Variants in SHQ1 observed in about 807,000 individuals in gnomAD.
SHQ1 encodes SHQ1, H/ACA ribonucleoprotein assembly factor, also known as protein SHQ1 homolog.
In SHQ1, 49 loss-of-function variants were observed where a neutral mutation model predicts 53.8. That is an observed-to-expected ratio of 0.91 (90% CI 0.72 to 1.16). The LOEUF (loss-of-function observed/expected upper bound fraction) is 1.16. SHQ1 is among the 50% of genes most tolerant of loss of function. The pLI is 0.00. For missense variants in SHQ1, 738 were observed against 683.1 expected (o/e 1.08, Z -0.90); for synonymous variants, 243 against 251.0 (o/e 0.97, Z 0.30).
intron 10 of SHQ1, among the ~76,000 whole-genome samples, chr3:72,756,874 T>C (rs950364461): frequency 4.6e-5 from 7 of 152,232 alleles, no homozygotes; most frequent in African/African-American, 1.2e-4. Context: ...GAAAGAGTAA[T>C]TGCAACAGCA....
At chr3:72,798,846 A>G (rs1192171170) in intron 9 of SHQ1, among the ~76,000 whole-genome samples, 2 of 152,236 alleles carry the variant, frequency 1.3e-5, no homozygotes, top group African/African-American at 4.8e-5. Context: ...TGCTAATTCT[A>G]TACAATAAGA....
At chr3:72,836,693 T>C (rs1708010069) in intron 4 of SHQ1, among the ~76,000 whole-genome samples, 1 of 151,834 alleles carries the variant, frequency 6.6e-6, no homozygotes, top group African/African-American at 2.4e-5. Context: ...AGAAACAAAC[T>C]AAAAGCAAAG....
At chr3:72,730,403 T>G in the SHQ1 span, among the ~76,000 whole-genome samples, 10 of 152,218 alleles carry the variant, frequency 6.6e-5, no homozygotes, top group African/African-American at 9.7e-5. Flanking sequence ...CATAAGCCAC[T>G]GTGCCAGGTT....
intron 10 of SHQ1, chr3:72,772,514 T>C (rs1705876771): frequency 3.3e-6 from 2 of 607,494 alleles, no homozygotes; most frequent in African/African-American, 1.8e-5. Context: ...CAGACAGTGA[T>C]ATGACAAGTC....
chr3:72,778,824 A>C (rs1296276852), intron 10 of SHQ1, among the ~76,000 whole-genome samples: 1 of 152,168 alleles, frequency 6.6e-6, no homozygotes, highest in African/African-American at 2.4e-5. Context: ...CCTCTAACAA[A>C]AGCCAAAACC....
At chr3:72,774,081 A>G (rs1705907682) in intron 10 of SHQ1, among the ~76,000 whole-genome samples, 1 of 152,236 alleles carries the variant, frequency 6.6e-6, no homozygotes, top group African/African-American at 2.4e-5. Flanking sequence ...ACTATCAGAC[A>G]AAATAGATGG....
At chr3:72,751,476 A>ATGTGTGTGTGTGTGTGTGTG (rs372032784) in intron 10 of SHQ1, among the ~76,000 whole-genome samples, 2 of 109,642 alleles carry the variant, frequency 1.8e-5, no homozygotes, top group Admixed American at 8.9e-5. Flanking sequence ...ATAAGCACAT[A>ATGTGTGTGTGTGTGTGTGTG]TGTGTGTGTG....
chr3:72,767,618 G>A (rs1165682169), intron 10 of SHQ1, among the ~76,000 whole-genome samples: 1 of 152,060 alleles, frequency 6.6e-6, no homozygotes. Context: ...AAAATCCTAC[G>A]TTCACTCTGT....
chr3:72,737,097 C>T, the SHQ1 span, among the ~76,000 whole-genome samples: 1 of 151,794 alleles, frequency 6.6e-6, no homozygotes, highest in African/African-American at 2.4e-5. Context: ...TAATGAAACC[C>T]CATCTCTACT....
At chr3:72,811,848 C>T (rs1470390011) in intron 9 of SHQ1, among the ~76,000 whole-genome samples, 1 of 152,114 alleles carries the variant, frequency 6.6e-6, no homozygotes, top group Non-Finnish European at 1.5e-5. Flanking sequence ...AAACCAAGCT[C>T]CCAGAAACAC....
At chr3:72,769,265 A>G (rs1039951478) in intron 10 of SHQ1, among the ~76,000 whole-genome samples, 12 of 152,200 alleles carry the variant, frequency 7.9e-5, no homozygotes, top group African/African-American at 2.9e-4. Context: ...CCGTTATTTC[A>G]AGAGCAGCTA....
intron 9 of SHQ1, among the ~76,000 whole-genome samples, chr3:72,799,556 A>G (rs1238215154): frequency 2.0e-5 from 3 of 152,192 alleles, no homozygotes. Context: ...ACAAACACGC[A>G]CATTAAATTT....
At chr3:72,805,123 A>G (rs1706899322) in intron 9 of SHQ1, among the ~76,000 whole-genome samples, 1 of 152,244 alleles carries the variant, frequency 6.6e-6, no homozygotes, top group Non-Finnish European at 1.5e-5. Context: ...AGCATAGAAA[A>G]GATACAGTAT....
At chr3:72,783,362 A>AT (rs1706129491) in intron 10 of SHQ1, among the ~76,000 whole-genome samples, 1 of 128,000 alleles carries the variant, frequency 7.8e-6, no homozygotes, top group Non-Finnish European at 1.6e-5. Context: ...ATTTTTATAC[A>AT]CTTTTTTTTT....
rs1197862817 is a variant in SHQ1, at chr3:72,750,130, C to A, written c.*154G>T. On this transcript the variant is annotated 3_prime_UTR_variant, in exon 11 of 11. Transcript: ENST00000325599. ...CGATTTTTTCTTCAATATTTTTGAT[C>A]TGCAGTTGGTTGAATCCACAGATGT... The A allele has an allele frequency of 4.6e-6, 3 of 649,142 alleles. No individual in the cohort carries two copies. The highest frequency in any genetic ancestry group is 7.8e-6 in the Non-Finnish European group (3 of 383,828). The allele number at this position is 649,142 out of a possible 1,614,324, so 40.2% of individuals were successfully genotyped here. A position where few individuals can be genotyped will look rare whatever the true frequency, so the allele number is the denominator to read the frequency against.
intron 10 of SHQ1, among the ~76,000 whole-genome samples, chr3:72,765,344 T>C (rs927589761): frequency 6.6e-6 from 1 of 151,600 alleles, no homozygotes; most frequent in Non-Finnish European, 1.5e-5. Context: ...TGTTACTTCC[T>C]TCTATGGCAC....
the SHQ1 span, among the ~76,000 whole-genome samples, chr3:72,737,949 A>G: frequency 6.6e-6 from 1 of 152,190 alleles, no homozygotes; most frequent in Non-Finnish European, 1.5e-5. Flanking sequence ...TTAATGTGAC[A>G]CAATGCTGAT....
At chr3:72,748,329 C>CCA (rs1705291548), downstream of SHQ1, among the ~76,000 whole-genome samples, 2 of 58,792 alleles carry the variant, frequency 3.4e-5, no homozygotes, top group Non-Finnish European at 6.1e-5. Flanking sequence ...ATGAGGCATG[C>CCA]AAAAAAAAAA....
the SHQ1 span, among the ~76,000 whole-genome samples, chr3:72,733,098 G>C: frequency 1.3e-5 from 2 of 151,592 alleles, no homozygotes; most frequent in East Asian, 3.9e-4. Flanking sequence ...TGCACAGACT[G>C]TGCTCCCAGT....
Sources: gnomAD v4.1 joint callset for allele counts (sites outside exome capture counted in the v4.1 genomes callset) on GRCh38, gnomAD v4.1.1 for gene constraint, MANE v1.5 for transcripts, NCBI Gene and HGNC (gene_info 2026-07-23, HGNC 2026-07-21) for gene names.